The following TATDN2 variants were observed in gnomAD, a reference collection of about 807,000 sequenced individuals.
TATDN2 encodes 3'-5' RNA nuclease TATDN2.
TATDN2 carries 44 observed loss-of-function variants against 60.3 expected under a neutral mutation model. The ratio of observed to expected loss-of-function variants is 0.73; its 90% CI spans 0.57 to 0.94. TATDN2 has a LOEUF of 0.94. Among genes scored for constraint, TATDN2 ranks in the 40% least tolerant of loss-of-function variants. The pLI, the probability that TATDN2 is intolerant of heterozygous loss-of-function variation, is 0.00. For missense variants in TATDN2, 997 were observed against 948.0 expected (o/e 1.05, Z -0.68); for synonymous variants, 399 against 355.8 (o/e 1.12, Z -1.37).
At chr3:10,254,189 C>T (rs1473064566) in intron 2 of TATDN2, among the ~76,000 whole-genome samples, 1 of 152,196 alleles carries the variant, frequency 6.6e-6, no homozygotes, top group Admixed American at 6.5e-5. Flanking sequence ...GGCCATGCTT[C>T]ACAGACTGAG....
At chr3:10,261,558 T>C (rs1467231250) in intron 3 of TATDN2, among the ~76,000 whole-genome samples, 1 of 152,000 alleles carries the variant, frequency 6.6e-6, no homozygotes, top group East Asian at 1.9e-4. Context: ...TTAGTAGATA[T>C]GGGATTTCTC....
chr3:10,276,221 C>T, intron 4 of TATDN2, 140 bp from the exon 5 acceptor site: 2 of 1,124,390 alleles, frequency 1.8e-6, no homozygotes, highest in East Asian at 2.5e-5. Flanking sequence ...TGTAAGTGAC[C>T]AATAATCATT....
chr3:10,270,322 TG>T lies in TATDN2; in HGVS notation c.1141del (p.Asp381ThrfsTer36). The T allele has an allele frequency of 6.2e-7, 1 of 1,614,168 alleles. No individual in the cohort carries two copies. Among genetic ancestry groups the T allele is most frequent in the Admixed American group, 1.7e-5 (1 of 60,014 alleles). On this transcript the variant is annotated frameshift_variant, in exon 4 of 8. Coordinates refer to ENST00000448281, the MANE Select transcript of TATDN2 (RefSeq NM_014760.4). LOFTEE classifies it high-confidence loss of function. ...CTCATTTGTACAGTAGTCCTTGGTG[TG>T]ACTACGCCAGCTATTGGACCAGCAG... ...PPHLYSSPWCDYASYWTSSPK... is the reference protein window; with the variant it reads ...PPHLYSSPWCXYASYWTSSPK...
At chr3:10,265,165 C>T (rs568638383) in intron 3 of TATDN2, among the ~76,000 whole-genome samples, 5 of 150,368 alleles carry the variant, frequency 3.3e-5, no homozygotes, top group Admixed American at 3.3e-4. Context: ...CCACCTCTGC[C>T]TCCTGGGTTC....
At chr3:10,252,425 T>C (rs186079038) in intron 2 of TATDN2, among the ~76,000 whole-genome samples, 7 of 152,332 alleles carry the variant, frequency 4.6e-5, no homozygotes, top group Admixed American at 3.3e-4. Flanking sequence ...TCTCTAGGAC[T>C]GCTGAAGTCT....
chr3:10,260,427 A>G lies in TATDN2; in HGVS notation c.705A>G (p.Glu235=). The G allele has an allele frequency of 6.2e-7, 1 of 1,614,188 alleles. No individual in the cohort carries two copies. The highest frequency in any genetic ancestry group is 8.5e-7 in the Non-Finnish European group (1 of 1,179,998). The change falls in exon 3 of 8, where the codon GAA becomes GAG. Residue 235 remains glutamate, a synonymous_variant. Transcript: ENST00000448281. ...ARSEGPAKTA[E]GAARSVTVTA... ...GTGAAGGACCAGCCAAGACTGCAGA[A>G]GGAGCAGCCAGGAGTGTCACAGTCA...
chr3:10,261,022 A>T (rs1041817931), intron 3 of TATDN2, among the ~76,000 whole-genome samples: 1 of 152,202 alleles, frequency 6.6e-6, no homozygotes, highest in Non-Finnish European at 1.5e-5. Flanking sequence ...TTGATTCTCT[A>T]TCACCCCTCA....
At position 10,249,479 on chromosome 3, in the gene TATDN2, G is replaced by A. The variant is rs1171292448; in HGVS notation, c.279G>A (p.Val93=). The A allele has an allele frequency of 1.2e-6, 2 of 1,613,490 alleles. No homozygotes were observed. Among genetic ancestry groups the A allele is most frequent in the East Asian group, 2.2e-5 (1 of 44,882 alleles). ...SFSPHFLGPG[V]GGAASKGCLI... ...CCCCACATTTCTTGGGCCCTGGTGT[G>A]GGCGGGGCCGCCTCCAAAGGCTGCC... Residue 93 remains valine, a synonymous_variant, in exon 2 of 8, where the codon GTG becomes GTA. Transcript: ENST00000448281.
Position 10,270,547 on chromosome 3 carries a change from A to G in TATDN2, c.1365A>G (p.Glu455=). ...CATTTCGCTTCTCCAGAAGCTCAGA[A>G]GAAAGAGAGGTGAAGGAGAAAAGAA... ...SRSFRFSRSS[E]EREVKEKRTF... Residue 455 remains glutamate, a synonymous_variant, in exon 4 of 8, where the codon GAA becomes GAG. Transcript: ENST00000448281. 6.2e-7 allele frequency: 1 copy of G among 1,614,232 alleles called. No homozygotes were observed. The highest frequency in any genetic ancestry group is 8.5e-7 in the Non-Finnish European group (1 of 1,180,032).
intron 4 of TATDN2, among the ~76,000 whole-genome samples, chr3:10,275,070 T>G (rs533845632): frequency 6.6e-6 from 1 of 151,394 alleles, no homozygotes; most frequent in South Asian, 2.1e-4. Context: ...ACTGCAGCCT[T>G]TGCCTCCCAG....
chr3:10,260,295 C>A lies in TATDN2; in HGVS notation c.573C>A (p.Ile191=), dbSNP rs1248556326. 2.5e-6 allele frequency: 4 copies of A among 1,614,016 alleles called. No homozygotes were observed. The African/African-American group carries it at 5.3e-5, about 22-fold the overall frequency. Residue 191 remains isoleucine (I), a synonymous_variant, in exon 3 of 8, where the codon ATC becomes ATA. Transcript: ENST00000448281. ...QGSTMIYLKA[I]QGILGKSMPK... ...CCACAATGATCTACCTGAAGGCTAT[C>A]CAGGGCATCCTGGGGAAATCGATGC...
chr3:10,260,685 T>C lies in TATDN2; in HGVS notation c.948+15T>C, dbSNP rs451952. The C allele has an allele frequency of 0.44, 706,282 of 1,602,424 alleles. 169,191 individuals carry two copies. Among genetic ancestry groups the C allele is most frequent in the East Asian group, 0.98 (43,877 of 44,746 alleles). ...AAATCCAAAAGGTGAGTAAAGCTTG[T>C]ACCAGGCATCTGACTTTTTAGTTCT... On this transcript the variant is annotated intron_variant, in intron 3 of 7. Coordinates refer to ENST00000448281, the MANE Select transcript of TATDN2 (RefSeq NM_014760.4).
At chr3:10,274,183 C>A (rs1461750238) in intron 4 of TATDN2, among the ~76,000 whole-genome samples, 1 of 152,170 alleles carries the variant, frequency 6.6e-6, no homozygotes, top group African/African-American at 2.4e-5. Context: ...CAAATAGCTC[C>A]TGTCCAACCA....
chr3:10,260,036 CTT>C (rs1698375660), intron 2 of TATDN2, 99 bp from the exon 3 acceptor site: 19 of 1,382,326 alleles, frequency 1.4e-5, no homozygotes, highest in Non-Finnish European at 1.9e-5. Flanking sequence ...GTCACTTTCC[CTT>C]TGACTGGTAG....
intron 3 of TATDN2, among the ~76,000 whole-genome samples, chr3:10,261,365 CTTTTTTT>C (rs58599009): frequency 7.5e-6 from 1 of 134,036 alleles, no homozygotes; most frequent in South Asian, 2.4e-4. Flanking sequence ...CCATCTTTTT[CTTTTTTT>C]TTTTTTTTTT....
chr3:10,270,600 C>G lies in TATDN2; in HGVS notation c.1418C>G (p.Pro473Arg), dbSNP rs1698547073. 6.2e-7 allele frequency: 1 copy of G among 1,614,266 alleles called. No homozygotes were observed. Among genetic ancestry groups the G allele is most frequent in the Non-Finnish European group, 8.5e-7 (1 of 1,180,044 alleles). Residue 473 changes from proline to arginine, a missense_variant, in exon 4 of 8, where the codon CCT becomes CGT. By Grantham distance (103) the Pro-to-Arg change is moderately radical. Transcript: ENST00000448281. ...RTFQEEMPPR[P>R]CGGHASSSLP... ...TTCCAAGAGGAGATGCCTCCGCGTC[C>G]TTGTGGAGGACACGCATCCAGCTCC...
In TATDN2 at chr3:10,248,487, C is replaced by A. The variant is rs566203597; in HGVS notation, c.-587C>A. 6.6e-6 allele frequency: 1 copy of A among 152,284 alleles called. No homozygotes were observed. Among genetic ancestry groups the A allele is most frequent in the East Asian group, 1.9e-4 (1 of 5,166 alleles). The allele number at this position is 152,284 out of a possible 1,614,324, so 9.4% of individuals were successfully genotyped here. A position where few individuals can be genotyped will look rare whatever the true frequency, so the allele number is the denominator to read the frequency against. On this transcript the variant is annotated 5_prime_UTR_variant, in exon 1 of 8. Coordinates refer to ENST00000448281, the MANE Select transcript of TATDN2 (RefSeq NM_014760.4). ...GCTCTCCGGCCTGCGGGCCGCAGGGCTCGTTCCGGAGGGCGGGCGCCACGG... is the reference window on the plus strand; with the variant it reads ...GCTCTCCGGCCTGCGGGCCGCAGGGATCGTTCCGGAGGGCGGGCGCCACGG...
chr3:10,262,971 G>T (rs76461377), intron 3 of TATDN2, among the ~76,000 whole-genome samples: 1 of 151,946 alleles, frequency 6.6e-6, no homozygotes, highest in South Asian at 2.1e-4. Context: ...CGTGATCTCA[G>T]CTCACTGCAA....
intron 3 of TATDN2, among the ~76,000 whole-genome samples, chr3:10,269,361 T>C (rs1218559332): frequency 6.6e-6 from 1 of 152,190 alleles, no homozygotes; most frequent in Non-Finnish European, 1.5e-5. Context: ...GGAGGGGTCA[T>C]AGACCCCACT....
Sources: allele counts gnomAD v4.1 joint callset (sites outside exome capture counted in the v4.1 genomes callset), GRCh38; gene constraint gnomAD v4.1.1; transcripts MANE v1.5; gene names NCBI Gene and HGNC (gene_info 2026-07-23, HGNC 2026-07-21).